The following KRT73 variants were observed in gnomAD, a reference collection of about 807,000 sequenced individuals.
The protein encoded by KRT73 is keratin, type II cytoskeletal 73.
Under a neutral mutation model 47.2 loss-of-function variants are expected in KRT73, and 44 were observed. That is an observed-to-expected ratio of 0.93 (90% CI 0.73 to 1.20). The LOEUF is 1.20. Among genes scored for constraint, KRT73 ranks in the 50% most tolerant of loss-of-function variants. The pLI, the probability that KRT73 is intolerant of heterozygous loss-of-function variation, is 0.00. For missense variants in KRT73, 713 were observed against 704.5 expected, an observed-to-expected ratio of 1.01 and a Z score of -0.14; for synonymous variants, 285 against 291.3, an observed-to-expected ratio of 0.98 and a Z score of 0.22.
In KRT73 at chr12:52,610,748, C is replaced by G. The variant is rs1376371807; in HGVS notation, c.1198G>C (p.Glu400Gln). 1 of 1,614,008 alleles carries G rather than the reference C, an allele frequency of 6.2e-7. No homozygotes were observed. The highest frequency in any genetic ancestry group is 2.2e-5 in the East Asian group (1 of 44,866). The change falls in exon 7 of 9, where the codon GAG becomes CAG. Residue 400 changes from glutamate to glutamine, a missense_variant. Coordinates refer to ENST00000305748, the MANE Select transcript of KRT73 (RefSeq NM_175068.3). ...KDARAKLDELEGALQQAKEEL... is the reference protein window; with the variant it reads ...KDARAKLDELQGALQQAKEEL... ...TCCTTGGCCTGCTGCAGGGCGCCCT[C>G]CAGCTCATCCAGCTTGGCCCTGGCA...
Position 52,617,449 on chromosome 12 carries a change from G to T in KRT73, c.447+629C>A, listed in dbSNP as rs371823242. Among the ~76,000 whole-genome samples, 303 of 152,276 alleles carry T rather than the reference G, an allele frequency of 2.0e-3. 14 individuals carry two copies. The South Asian group carries it at 0.056, about 28-fold the overall frequency. On this transcript the variant is annotated intron_variant, in intron 1 of 8. Coordinates refer to ENST00000305748, the MANE Select transcript of KRT73 (RefSeq NM_175068.3). ...GCATTCTAACAAGCGTCCAGGTGACGTTGCTGCTGCTGGTTCCAGGGCCAC... is the reference window on the plus strand; with the variant it reads ...GCATTCTAACAAGCGTCCAGGTGACTTTGCTGCTGCTGGTTCCAGGGCCAC...
Position 52,618,168 on chromosome 12 carries a change from CA to C in KRT73, c.356del (p.Val119GlyfsTer21), listed in dbSNP as rs1940846611. Reference sequence around the variant, plus strand: ...CTTTCTGGATTTCAGGGTCCAGCTCCACGTTCAGGGGTGCCAGGAGGCTCTT... The same window carrying C: ...CTTTCTGGATTTCAGGGTCCAGCTCCCGTTCAGGGGTGCCAGGAGGCTCTT... ...INKSLLAPLN[V>X]ELDPEIQKVR... is the part of the protein sequence containing the mutation. On this transcript the variant is annotated frameshift_variant, in exon 1 of 9. Transcript: ENST00000305748. LOFTEE classifies it high-confidence loss of function. 2 of 1,613,942 alleles carry C rather than the reference CA, an allele frequency of 1.2e-6. No individual in the cohort carries two copies. Among genetic ancestry groups the C allele is most frequent in the African/African-American group, 2.7e-5 (2 of 74,914 alleles).
chr12:52,608,513 C>T lies in KRT73; in HGVS notation c.1367-61G>A, dbSNP rs1170590159. The T allele has an allele frequency of 9.1e-6, 13 of 1,429,148 alleles. No individual in the cohort carries two copies. The Admixed American group carries it at 2.9e-4, about 32-fold the overall frequency. 88.5% of individuals were successfully genotyped at this position (1,429,148 alleles called of 1,614,324 possible). On this transcript the variant is annotated intron_variant, in intron 8 of 8. Coordinates refer to ENST00000305748, the MANE Select transcript of KRT73 (RefSeq NM_175068.3). ...TCCCAGGACAGAGGTGGCCTTAAGT[C>T]CCCCTCCAACCTCCCAGCCCCACTA...
Position 52,614,341 on chromosome 12 carries a change from G to A in KRT73, c.819+238C>T, listed in dbSNP as rs558426305. The A allele has an allele frequency of 1.5e-4, 70 of 470,124 alleles. 1 individual carries two copies. Among genetic ancestry groups the A allele is most frequent in the South Asian group, 6.6e-4 (17 of 25,806 alleles). 29.1% of individuals were successfully genotyped at this position (470,124 alleles called of 1,614,324 possible). A position where few individuals can be genotyped will look rare whatever the true frequency, so the allele number is the denominator to read the frequency against. ...AATATGCTTGGCTGAAGTTCAGTGG[G>A]AACCCTTTAAGGACTCTGTTTTCCT... On this transcript the variant is annotated intron_variant, in intron 4 of 8. Coordinates refer to ENST00000305748, the MANE Select transcript of KRT73 (RefSeq NM_175068.3).
At position 52,610,722 on chromosome 12, in the gene KRT73, C is replaced by T; in HGVS notation, c.1224G>A (p.Glu408=). 1 of 1,614,052 alleles carries T rather than the reference C, an allele frequency of 6.2e-7. No individual in the cohort carries two copies. The change falls in exon 7 of 9, where the codon GAG becomes GAA. Residue 408 remains glutamate (E), a synonymous_variant. Coordinates refer to ENST00000305748, the MANE Select transcript of KRT73 (RefSeq NM_175068.3). Reference sequence around the variant, plus strand: ...ACTCGCGCAGCATCCGTGCCAGCTCCTCCTTGGCCTGCTGCAGGGCGCCCT... The same window carrying T: ...ACTCGCGCAGCATCCGTGCCAGCTCTTCCTTGGCCTGCTGCAGGGCGCCCT... ...ELEGALQQAK[E]ELARMLREYQ...
intron 2 of KRT73, 49 bp downstream of exon 2, chr12:52,616,117 A>G: frequency 6.2e-7 from 1 of 1,603,916 alleles, no homozygotes; most frequent in Non-Finnish European, 8.5e-7. Context: ...GCCTGCTGGG[A>G]AAGCCTCACC....
At chr12:52,611,007 G>T in intron 6 of KRT73, 172 bp from the exon 7 acceptor site, 1 of 894,646 alleles carries the variant, frequency 1.1e-6, no homozygotes, top group Non-Finnish European at 1.7e-6. Context: ...TTGCTACGCT[G>T]GGCCCCACAG....
chr12:52,609,055 G>A (rs1053034487), intron 8 of KRT73, among the ~76,000 whole-genome samples, 192 bp downstream of exon 8: 9 of 152,144 alleles, frequency 5.9e-5, no homozygotes, highest in African/African-American at 1.9e-4. Flanking sequence ...GAATGTCCTG[G>A]GCACTAGCTC....
chr12:52,609,711 T>C (rs1051974005), intron 7 of KRT73: 2 of 171,406 alleles, frequency 1.2e-5, no homozygotes, highest in Admixed American at 5.9e-5. Flanking sequence ...TAGAACAGGG[T>C]TTTTCAAATG....
At chr12:52,624,408 A>T in the KRT73 span, among the ~76,000 whole-genome samples, 1 of 152,120 alleles carries the variant, frequency 6.6e-6, no homozygotes, top group African/African-American at 2.4e-5. Context: ...ATCAACCAAC[A>T]GGATCTAATT....
intron 7 of KRT73, 86 bp downstream of exon 7, chr12:52,610,529 G>GCCTCCCCC: frequency 3.4e-6 from 1 of 295,156 alleles, no homozygotes; most frequent in South Asian, 2.7e-5. Flanking sequence ...CCAGCTCGCC[G>GCCTCCCCC]CCCCCTCCCC....
At chr12:52,609,469 C>T (rs181318374) in intron 7 of KRT73, among the ~76,000 whole-genome samples, 188 bp from the exon 8 acceptor site, 180 of 152,324 alleles carry the variant, frequency 1.2e-3, no homozygotes, top group African/African-American at 3.8e-3. Flanking sequence ...ATCTACTCTT[C>T]CCACTGCAGA....
rs536600307 is a variant in KRT73 at position 52,612,719 on chromosome 12, A to C, written c.984+969T>G. 3 of 152,260 alleles carry C rather than the reference A, an allele frequency of 2.0e-5. No individual in the cohort carries two copies. In the East Asian group the frequency reaches 5.8e-4, roughly 29 times the overall value. 9.4% of individuals were successfully genotyped at this position (152,260 alleles called of 1,614,324 possible). On this transcript the variant is annotated intron_variant, in intron 5 of 8. Transcript: ENST00000305748. Reference sequence around the variant, plus strand: ...CAAGCCACACAAAGCCCTTAGAGTAAATGCTTCTTTCCCAGAGTCACCTTC... The same window carrying C: ...CAAGCCACACAAAGCCCTTAGAGTACATGCTTCTTTCCCAGAGTCACCTTC...
chr12:52,615,272 T>C lies in KRT73; in HGVS notation c.723+7A>G, dbSNP rs755163256. 1.2e-6 allele frequency: 2 copies of C among 1,613,078 alleles called. No individual in the cohort carries two copies. Among genetic ancestry groups the C allele is most frequent in the Non-Finnish European group, 1.7e-6 (2 of 1,179,206 alleles). The stretch of plus-strand genomic sequence containing the variant: ...GGGACTGAAGGGAACCCATGCACCC[T>C]CCTCACCTTCTTAAGCACCACAAAT... On this transcript the variant is annotated splice_region_variant and intron_variant, in intron 3 of 8. Coordinates refer to ENST00000305748, the MANE Select transcript of KRT73 (RefSeq NM_175068.3).
rs140591808 is a variant in KRT73 at position 52,616,353 on chromosome 12, C to A, written c.475G>T (p.Val159Leu). Residue 159 changes from valine to leucine, a missense_variant, in exon 2 of 9, where the codon GTG becomes TTG. Val to Leu is a conservative substitution (Grantham distance 32). Transcript: ENST00000305748. ...KVRFLEQQNQVLETKWELLQQ... is the reference protein window; with the variant it reads ...KVRFLEQQNQLLETKWELLQQ... ...AGCAGCTCCCACTTGGTCTCCAGCA[C>A]CTGGTTCTGCTGCTCCAGGAACCGC... 7.4e-6 allele frequency: 12 copies of A among 1,614,084 alleles called. No individual in the cohort carries two copies. The highest frequency in any genetic ancestry group is 8.5e-6 in the Non-Finnish European group (10 of 1,180,048).
intron 4 of KRT73, chr12:52,614,351 A>G: frequency 2.0e-6 from 1 of 502,650 alleles, no homozygotes; most frequent in East Asian, 3.4e-5. Flanking sequence ...GAACCCTTTA[A>G]GGACTCTGTT....
the KRT73 span, among the ~76,000 whole-genome samples, chr12:52,628,910 C>G: frequency 6.6e-6 from 1 of 152,218 alleles, no homozygotes; most frequent in Non-Finnish European, 1.5e-5. Flanking sequence ...CAGGAGAGAG[C>G]AGGGCCAGAA....
At chr12:52,617,239 C>T (rs1940833137) in intron 1 of KRT73, among the ~76,000 whole-genome samples, 1 of 152,204 alleles carries the variant, frequency 6.6e-6, no homozygotes. Flanking sequence ...TCCGGGTGAG[C>T]TTCCCCTGCT....
Position 52,608,178 on chromosome 12 carries a change from A to G in KRT73, c.*18T>C. On this transcript the variant is annotated 3_prime_UTR_variant, in exon 9 of 9. Transcript: ENST00000305748. ...CCAGGGCAAGGCAGACTACTGGGAA[A>G]TGGGCTGTGTTGCACTTTTATCTCA... The G allele has an allele frequency of 6.3e-7, 1 of 1,597,876 alleles. No homozygotes were observed. Among genetic ancestry groups the G allele is most frequent in the East Asian group, 2.2e-5 (1 of 44,658 alleles).
Sources: gnomAD v4.1 joint callset for allele counts (sites outside exome capture counted in the v4.1 genomes callset) on GRCh38, gnomAD v4.1.1 for gene constraint, MANE v1.5 for transcripts, NCBI Gene and HGNC (gene_info 2026-07-23, HGNC 2026-07-21) for gene names.